MYO3B: variants seen among roughly 807,000 people sequenced by gnomAD.
MYO3B encodes the protein myosin IIIB.
In MYO3B, 156 loss-of-function variants were observed where a neutral mutation model predicts 174.6. That is an observed-to-expected ratio of 0.89 (90% CI 0.78 to 1.02). The LOEUF (loss-of-function observed/expected upper bound fraction) is 1.02. MYO3B is among the 50% of genes least tolerant of loss of function. MYO3B has a pLI of 0.00. For missense variants in MYO3B, 1,632 were observed against 1,639.4 expected, an observed-to-expected ratio of 1.00 and a Z score of 0.08; for synonymous variants, 563 against 569.1, an observed-to-expected ratio of 0.99 and a Z score of 0.15.
intron 9 of MYO3B, 105 bp downstream of exon 9, chr2:170,369,482 C>A (rs560635831): frequency 7.8e-7 from 1 of 1,276,584 alleles, no homozygotes; most frequent in Non-Finnish European, 1.1e-6. Context: ...TACATTCCTG[C>A]ATTTTTAAGA....
At chr2:170,355,479 A>T (rs748223354) in intron 8 of MYO3B, among the ~76,000 whole-genome samples, 9 of 152,172 alleles carry the variant, frequency 5.9e-5, no homozygotes, top group African/African-American at 2.2e-4. Context: ...CTGCCTCTTT[A>T]TCTAATCTCC....
At chr2:170,307,732 T>C (rs2093710539) in intron 7 of MYO3B, among the ~76,000 whole-genome samples, 1 of 152,198 alleles carries the variant, frequency 6.6e-6, no homozygotes, top group African/African-American at 2.4e-5. Context: ...CAGAGCAGGG[T>C]CACCCCATAG....
chr2:170,597,512 T>C lies in MYO3B; in HGVS notation c.3733+53524T>C, dbSNP rs150071918. Reference sequence around the variant, plus strand: ...ATTGCCTGGCCCTCCAGAGTACCCCTGGATCCTGCCTATTGTCCATGCTGG... The same window carrying C: ...ATTGCCTGGCCCTCCAGAGTACCCCCGGATCCTGCCTATTGTCCATGCTGG... On this transcript the variant is annotated intron_variant, in intron 32 of 34. Transcript: ENST00000408978. 3.9e-3 allele frequency among the ~76,000 whole-genome samples: 599 copies of C among 152,272 alleles called. 1 individual carries two copies. The highest frequency in any genetic ancestry group is 0.027 in the Middle Eastern group (8 of 294).
At chr2:170,427,320 A>C (rs1189481761) in intron 22 of MYO3B, among the ~76,000 whole-genome samples, 1 of 152,234 alleles carries the variant, frequency 6.6e-6, no homozygotes, top group African/African-American at 2.4e-5. Context: ...ATAATACTTT[A>C]ATTTAGAAAG....
At chr2:170,580,190 A>G (rs1206533630) in intron 32 of MYO3B, among the ~76,000 whole-genome samples, 1 of 151,750 alleles carries the variant, frequency 6.6e-6, no homozygotes. Context: ...CATGTCTAAT[A>G]GTTAATAATA....
chr2:170,387,345 C>A, intron 14 of MYO3B, 37 bp downstream of exon 14: 1 of 1,584,890 alleles, frequency 6.3e-7, no homozygotes. Flanking sequence ...TTTTGCCCTG[C>A]AGTAAAAACT....
At chr2:170,372,118 CAAAAAAAAAA>C (rs769243145) in intron 9 of MYO3B, among the ~76,000 whole-genome samples, 8 of 22,216 alleles carry the variant, frequency 3.6e-4, no homozygotes, top group East Asian at 2.7e-3. Context: ...GACCCTGTCT[CAAAAAAAAAA>C]AAAAAAAAAA....
chr2:170,266,904 T>C lies in MYO3B; in HGVS notation c.749+30768T>C, dbSNP rs142529763. On this transcript the variant is annotated intron_variant, in intron 7 of 34. Coordinates refer to ENST00000408978, the MANE Select transcript of MYO3B (RefSeq NM_138995.5). ...GTTTTCCAGAAGGGAAACTGGTATA[T>C]AGATTTTATTGTTTTGAAAACCTTA... is the stretch of plus-strand genomic sequence containing the variant. Among the ~76,000 whole-genome samples the C allele has an allele frequency of 5.3e-3, 800 of 152,330 alleles. 7 individuals are homozygous for C. The highest frequency in any genetic ancestry group is 0.018 in the African/African-American group (741 of 41,564).
At chr2:170,219,015 A>G (rs2092861758) in intron 6 of MYO3B, among the ~76,000 whole-genome samples, 1 of 152,218 alleles carries the variant, frequency 6.6e-6, no homozygotes, top group Non-Finnish European at 1.5e-5. Context: ...AGTGAACAGC[A>G]GGTGACTCTC....
chr2:170,288,040 T>A (rs1226627519), intron 7 of MYO3B, among the ~76,000 whole-genome samples: 1 of 151,952 alleles, frequency 6.6e-6, no homozygotes, highest in Non-Finnish European at 1.5e-5. Flanking sequence ...GTAAATACAT[T>A]GATTTATATT....
chr2:170,558,016 C>CA (rs1553521324), intron 32 of MYO3B, among the ~76,000 whole-genome samples: 2 of 151,938 alleles, frequency 1.3e-5, no homozygotes, highest in African/African-American at 4.8e-5. Flanking sequence ...ATTCTTAAAA[C>CA]GGAGGCCAGA....
intron 22 of MYO3B, among the ~76,000 whole-genome samples, chr2:170,410,249 G>T (rs1226966910): frequency 1.3e-5 from 2 of 152,132 alleles, no homozygotes; most frequent in Non-Finnish European, 2.9e-5. Flanking sequence ...TTTGAGGAAT[G>T]AACTACAGGG....
intron 7 of MYO3B, 56 bp from the exon 8 acceptor site, chr2:170,335,329 T>G: frequency 7.8e-7 from 1 of 1,286,020 alleles, no homozygotes; most frequent in Non-Finnish European, 1.1e-6. Context: ...CAAGTTGATA[T>G]TTTGCCTTTA....
chr2:170,615,037 C>A (rs1352677227), intron 32 of MYO3B, among the ~76,000 whole-genome samples: 2 of 152,140 alleles, frequency 1.3e-5, no homozygotes, highest in African/African-American at 4.8e-5. Flanking sequence ...ACCTCCCTGC[C>A]TCTCTGTAGC....
chr2:170,464,164 C>T (rs1402365335), intron 24 of MYO3B, among the ~76,000 whole-genome samples: 2 of 151,954 alleles, frequency 1.3e-5, no homozygotes, highest in East Asian at 3.9e-4. Context: ...ACCAGCCTGG[C>T]CAACATGGTG....
chr2:170,263,430 G>A (rs543381699), intron 7 of MYO3B, among the ~76,000 whole-genome samples: 2 of 152,178 alleles, frequency 1.3e-5, no homozygotes. Context: ...GACCGGCACC[G>A]GCACCAGTCT....
intron 32 of MYO3B, among the ~76,000 whole-genome samples, chr2:170,559,688 C>G (rs1381042474): frequency 6.6e-6 from 1 of 152,040 alleles, no homozygotes; most frequent in African/African-American, 2.4e-5. Flanking sequence ...TGTAATTTTT[C>G]TCCCTACCAA....
At chr2:170,265,599 A>G (rs147326421) in intron 7 of MYO3B, among the ~76,000 whole-genome samples, 46 of 152,340 alleles carry the variant, frequency 3.0e-4, no homozygotes, top group African/African-American at 1.1e-3. Flanking sequence ...AGGGATATCA[A>G]AACCAGGAGC....
chr2:170,519,770 T>A (rs1688549425), intron 30 of MYO3B: 1 of 400,708 alleles, frequency 2.5e-6, no homozygotes, highest in African/African-American at 2.1e-5. Context: ...GTCAGGAGTT[T>A]GAGACTAGCC....
Sources: gnomAD v4.1 joint callset for allele counts (sites outside exome capture counted in the v4.1 genomes callset) on GRCh38, gnomAD v4.1.1 for gene constraint, MANE v1.5 for transcripts, NCBI Gene and HGNC (gene_info 2026-07-23, HGNC 2026-07-21) for gene names.